The following PIEZO2 variants were observed in gnomAD, a reference collection of about 807,000 sequenced individuals.
PIEZO2 encodes the protein piezo-type mechanosensitive ion channel component 2.
A neutral mutation model predicts 337.3 loss-of-function variants in PIEZO2; 172 were observed. The observed-to-expected ratio is 0.51, with a 90% CI of 0.45 to 0.58. PIEZO2 has a LOEUF of 0.58. Ranked by LOEUF, PIEZO2 falls within the 20% of genes least tolerant of loss-of-function variation. PIEZO2 has a pLI of 0.00. For missense variants in PIEZO2, 3,028 were observed against 3,391.3 expected (o/e 0.89, Z 2.66); for synonymous variants, 1,251 against 1,228.5 (o/e 1.02, Z -0.38).
At chr18:10,731,175 GATTATATATATATATAT>G (rs1252716274) in intron 36 of PIEZO2, among the ~76,000 whole-genome samples, 29 of 117,828 alleles carry the variant, frequency 2.5e-4, no homozygotes, top group African/African-American at 5.7e-4. Context: ...CTACTTAAAA[GATTATATATATATATAT>G]ATATATATAT....
rs756344017 is a variant in PIEZO2, at chr18:10,707,035, G to A, written c.5588+1240C>T. On this transcript the variant is annotated intron_variant, in intron 40 of 55. Coordinates refer to ENST00000674853, the MANE Select transcript of PIEZO2 (RefSeq NM_001378183.1). The surrounding 1 kb of genome is among the most constrained non-coding windows in gnomAD (Gnocchi z 4.2). ...TGACTGAAGAACCAGATTGGCCTGA[G>A]CTTTTGATGCCCGCTCAGGTGTTCA... 1.2e-4 allele frequency among the ~76,000 whole-genome samples: 19 copies of A among 152,172 alleles called. No individual in the cohort carries two copies. The highest frequency in any genetic ancestry group is 3.3e-4 in the Admixed American group (5 of 15,292).
At chr18:10,809,715 A>T (rs1354203380) in intron 7 of PIEZO2, among the ~76,000 whole-genome samples, 1 of 152,116 alleles carries the variant, frequency 6.6e-6, no homozygotes, top group Admixed American at 6.6e-5. Context: ...TATTTAATTT[A>T]CTCAATGTTT....
chr18:10,705,121 A>G (rs1176361642), intron 41 of PIEZO2, among the ~76,000 whole-genome samples: 1 of 152,204 alleles, frequency 6.6e-6, no homozygotes, highest in Non-Finnish European at 1.5e-5. Context: ...AAATGTCAAC[A>G]CAAGGCTCTG....
intron 5 of PIEZO2, among the ~76,000 whole-genome samples, chr18:10,857,775 G>A (rs16975496): frequency 0.018 from 2,725 of 152,302 alleles, 87 homozygotes; most frequent in African/African-American, 0.063. Context: ...AGAATGATAC[G>A]CTGGTTCAAG....
chr18:10,759,433 A>ATTGTTAATCATCCGG lies in PIEZO2; in HGVS notation c.3757+48_3757+49insCCGGATGATTAACAA. On this transcript the variant is annotated intron_variant, in intron 26 of 55. Transcript: ENST00000674853. This position sits in a 1 kb window ranked among gnomAD's most constrained non-coding sequence, Gnocchi z 5.5. The stretch of plus-strand genomic sequence containing the variant: ...GCATAGCACGTGAACAATGATTAAC[A>ATTGTTAATCATCCGG]GTAAACCCGGATACCAGCACTCTGT... The ATTGTTAATCATCCGG allele has an allele frequency of 2.8e-6, 4 of 1,449,024 alleles. No individual in the cohort carries two copies. The highest frequency in any genetic ancestry group is 3.7e-6 in the Non-Finnish European group (4 of 1,068,416). The allele number at this position is 1,449,024 out of a possible 1,614,324, so 89.8% of individuals were successfully genotyped here.
In PIEZO2 at chr18:10,687,149, G is replaced by C. The variant is rs145919192; in HGVS notation, c.7497+2506C>G. 3.2e-3 allele frequency among the ~76,000 whole-genome samples: 483 copies of C among 152,122 alleles called. 3 individuals carry two copies. Among genetic ancestry groups the C allele is most frequent in the African/African-American group, 0.011 (458 of 41,494 alleles). On this transcript the variant is annotated intron_variant, in intron 49 of 55. Coordinates refer to ENST00000674853, the MANE Select transcript of PIEZO2 (RefSeq NM_001378183.1). Reference sequence around the variant, plus strand: ...TCTTCACCTTTTATTTTGAGTTCAGGGGTACATGTGCAGGATGTGCAGGTT... The same window carrying C: ...TCTTCACCTTTTATTTTGAGTTCAGCGGTACATGTGCAGGATGTGCAGGTT...
In PIEZO2 at chr18:10,834,266, C is replaced by G. The variant is rs1011313812; in HGVS notation, c.917+21087G>C. Among the ~76,000 whole-genome samples the G allele has an allele frequency of 3.3e-5, 5 of 152,284 alleles. No homozygotes were observed. The highest frequency in any genetic ancestry group is 9.6e-5 in the African/African-American group (4 of 41,568). Reference sequence around the variant, plus strand: ...AGTCAGATTTGAATTCAAACTCTGGCTTTGCCATCTCTATCCTGTGACTTG... The same window carrying G: ...AGTCAGATTTGAATTCAAACTCTGGGTTTGCCATCTCTATCCTGTGACTTG... On this transcript the variant is annotated intron_variant, in intron 7 of 55. Coordinates refer to ENST00000674853, the MANE Select transcript of PIEZO2 (RefSeq NM_001378183.1). The surrounding 1 kb of genome is among the most constrained non-coding windows in gnomAD (Gnocchi z 4.5).
At position 10,673,930 on chromosome 18, in the gene PIEZO2, A is replaced by G. The variant is rs1374060029; in HGVS notation, c.8162-1057T>C. ...GCTAAAAAGATCATACCAAAATTTC[A>G]TAATGTTTTAAGAAAGTTTACAGAT... On this transcript the variant is annotated intron_variant, in intron 54 of 55. Coordinates refer to ENST00000674853, the MANE Select transcript of PIEZO2 (RefSeq NM_001378183.1). This position sits in a 1 kb window ranked among gnomAD's most constrained non-coding sequence, Gnocchi z 4.8. Among the ~76,000 whole-genome samples, 1 of 152,228 alleles carries G rather than the reference A, an allele frequency of 6.6e-6. No homozygotes were observed. The highest frequency in any genetic ancestry group is 1.5e-5 in the Non-Finnish European group (1 of 68,036).
intron 3 of PIEZO2, among the ~76,000 whole-genome samples, chr18:10,955,937 A>C (rs2033502467): frequency 6.6e-6 from 1 of 152,220 alleles, no homozygotes; most frequent in South Asian, 2.1e-4. Flanking sequence ...TGATCAATAA[A>C]TATTTGTTAG....
Position 10,716,690 on chromosome 18 carries a change from T to C in PIEZO2, c.5090-874A>G, listed in dbSNP as rs184837413. 2.6e-4 allele frequency among the ~76,000 whole-genome samples: 40 copies of C among 152,254 alleles called. No homozygotes were observed. Among genetic ancestry groups the C allele is most frequent in the African/African-American group, 9.4e-4 (39 of 41,536 alleles). On this transcript the variant is annotated intron_variant, in intron 37 of 55. Transcript: ENST00000674853. This position sits in a 1 kb window ranked among gnomAD's most constrained non-coding sequence, Gnocchi z 4.1. ...ATCCTTTATAAAATCTCAAGCAAGG[T>C]ATGTATTTCTCACAATCATTCAGAT...
Position 11,048,257 on chromosome 18 carries a change from A to G in PIEZO2, c.160+17870T>C, listed in dbSNP as rs2037391566. Among the ~76,000 whole-genome samples, 1 of 152,348 alleles carries G rather than the reference A, an allele frequency of 6.6e-6. No homozygotes were observed. Among genetic ancestry groups the G allele is most frequent in the African/African-American group, 2.4e-5 (1 of 41,588 alleles). Reference sequence around the variant, plus strand: ...GCAAAATTAACTTTTTAAAAAATGGAGAAAGGGAAGAGGGAAAGAAGAAAG... The same window carrying G: ...GCAAAATTAACTTTTTAAAAAATGGGGAAAGGGAAGAGGGAAAGAAGAAAG... On this transcript the variant is annotated intron_variant, in intron 2 of 55. Coordinates refer to ENST00000674853, the MANE Select transcript of PIEZO2 (RefSeq NM_001378183.1). This position sits in a 1 kb window ranked among gnomAD's most constrained non-coding sequence, Gnocchi z 4.5.
At chr18:11,010,109 A>G (rs1005708828) in intron 2 of PIEZO2, among the ~76,000 whole-genome samples, 1 of 152,190 alleles carries the variant, frequency 6.6e-6, no homozygotes, top group African/African-American at 2.4e-5. Flanking sequence ...TTCTTAACCA[A>G]TAGATTCCTA....
At chr18:10,679,768 G>C (rs890053844) in intron 52 of PIEZO2, among the ~76,000 whole-genome samples, 4 of 152,316 alleles carry the variant, frequency 2.6e-5, no homozygotes, top group Admixed American at 1.3e-4. Context: ...TAATAGTGCT[G>C]TAAGTGATGC....
intron 1 of PIEZO2, among the ~76,000 whole-genome samples, chr18:11,117,267 A>G (rs973922130): frequency 2.7e-4 from 41 of 152,250 alleles, no homozygotes; most frequent in African/African-American, 9.9e-4. Context: ...TGTATGCCAT[A>G]AAAATGTACA....
At position 10,759,814 on chromosome 18, in the gene PIEZO2, G is replaced by A; in HGVS notation, c.3546C>T (p.Arg1182=). ...AGATCTCTGCGATGGCTTTCCTTCT[G>A]CGTCTATATAAGACAGCGATCAGCC... The part of the protein sequence containing the change: ...ACWLIAVLYR[R]RRKAIAEIWP... The change falls in exon 25 of 56, where the codon CGC becomes CGT. Residue 1182 remains arginine (R), a synonymous_variant. Transcript: ENST00000674853. The surrounding 1 kb of genome is among the most constrained non-coding windows in gnomAD (Gnocchi z 5.5). 6.5e-7 allele frequency: 1 copy of A among 1,537,354 alleles called. No homozygotes were observed.
chr18:10,840,249 T>C (rs1021954268), intron 7 of PIEZO2, among the ~76,000 whole-genome samples: 2 of 152,222 alleles, frequency 1.3e-5, no homozygotes, highest in South Asian at 4.1e-4. Flanking sequence ...ATTTGTTCTA[T>C]AAGAATTTTT....
At chr18:10,817,959 T>C (rs533499706) in intron 7 of PIEZO2, among the ~76,000 whole-genome samples, 102 of 152,000 alleles carry the variant, frequency 6.7e-4, no homozygotes, top group African/African-American at 2.4e-3. Flanking sequence ...ACAATGTTTC[T>C]AAGAAGACTA....
intron 4 of PIEZO2, among the ~76,000 whole-genome samples, chr18:10,873,645 T>C (rs2042193106): frequency 6.6e-6 from 1 of 152,166 alleles, no homozygotes; most frequent in African/African-American, 2.4e-5. Flanking sequence ...TCAACTACTG[T>C]TATAAATAGA....
In PIEZO2 at chr18:11,021,362, C is replaced by A. The variant is rs75059419; in HGVS notation, c.161-41702G>T. Among the ~76,000 whole-genome samples the A allele has an allele frequency of 2.7e-3, 406 of 152,274 alleles. 2 individuals carry two copies. Among genetic ancestry groups the A allele is most frequent in the African/African-American group, 9.5e-3 (393 of 41,562 alleles). The stretch of plus-strand genomic sequence containing the variant: ...TCCTCTATTCTGAAGAAAACATTTT[C>A]TTTTTCCTTCTACAAAAGCATCCCA... On this transcript the variant is annotated intron_variant, in intron 2 of 55. Coordinates refer to ENST00000674853, the MANE Select transcript of PIEZO2 (RefSeq NM_001378183.1). This position sits in a 1 kb window ranked among gnomAD's most constrained non-coding sequence, Gnocchi z 4.7.
Sources: allele counts gnomAD v4.1 joint callset (sites outside exome capture counted in the v4.1 genomes callset), GRCh38; gene constraint gnomAD v4.1.1; non-coding constraint Gnocchi (gnomAD v3.1); transcripts MANE v1.5; gene names NCBI Gene and HGNC (gene_info 2026-07-23, HGNC 2026-07-21).